The following HEXA variants were observed in gnomAD, a reference collection of about 807,000 sequenced individuals.
HEXA encodes the protein hexosaminidase subunit alpha.
In HEXA, 54 loss-of-function variants were observed where a neutral mutation model predicts 73.3. The observed-to-expected ratio is 0.74, with a 90% CI of 0.59 to 0.92. HEXA has a LOEUF of 0.92. Among genes scored for constraint, HEXA ranks in the 40% least tolerant of loss-of-function variants. The pLI is 0.00. For synonymous variants in HEXA, 230 were observed against 246.9 expected (o/e 0.93, Z 0.64); for missense variants, 649 against 653.0 (o/e 0.99, Z 0.07).
chr15:72,362,136 A>T (rs2088859382), intron 1 of HEXA, among the ~76,000 whole-genome samples: 1 of 152,200 alleles, frequency 6.6e-6, no homozygotes, highest in African/African-American at 2.4e-5. Flanking sequence ...AACCCTGAAA[A>T]TGCCATATTT....
At position 72,346,338 on chromosome 15, in the gene HEXA, A is replaced by G. The variant is rs1366792630; in HGVS notation, c.1331-13T>C. On this transcript the variant is annotated splice_polypyrimidine_tract_variant and intron_variant, in intron 11 of 13. Transcript: ENST00000268097. ...TGCTCAGGGGTACCTGAGGGAAAAC[A>G]AGCAACAACAGTCTGGTGATGGTGG... The G allele has an allele frequency of 1.7e-5, 27 of 1,607,648 alleles. No individual in the cohort carries two copies. The highest frequency in any genetic ancestry group is 2.3e-5 in the Non-Finnish European group (27 of 1,174,426).
At chr15:72,348,704 C>T (rs768863637) in intron 8 of HEXA, among the ~76,000 whole-genome samples, 7 of 152,234 alleles carry the variant, frequency 4.6e-5, no homozygotes, top group Non-Finnish European at 1.0e-4. Context: ...CAACTGAATA[C>T]TAATTAGACA....
intron 8 of HEXA, 49 bp from the exon 9 acceptor site, chr15:72,348,183 C>T: frequency 9.0e-6 from 12 of 1,329,538 alleles, no homozygotes; most frequent in Non-Finnish European, 1.1e-5. Flanking sequence ...TCCTGAAAGC[C>T]TAATGCCTGG....
chr15:72,349,084 G>A lies in HEXA; in HGVS notation c.981C>T (p.Thr327=), dbSNP rs1271376611. The part of the protein sequence containing the change: ...LHLGGDEVDF[T]CWKSNPEIQD... The stretch of plus-strand genomic sequence containing the variant: ...GAAGATCAAAGGGCTCATACCAGCA[G>A]GTGAAATCAACCTCATCTCCTCCAA... Residue 327 remains threonine, a synonymous_variant, in exon 8 of 14, where the codon ACC becomes ACT. Transcript: ENST00000268097. The A allele has an allele frequency of 8.1e-6, 13 of 1,613,266 alleles. No individual in the cohort carries two copies. The highest frequency in any genetic ancestry group is 1.0e-5 in the Non-Finnish European group (12 of 1,179,404).
rs2088615642 is a variant in HEXA, at chr15:72,346,492, T to A, written c.1330+35A>T. On this transcript the variant is annotated intron_variant, in intron 11 of 13. Coordinates refer to ENST00000268097, the MANE Select transcript of HEXA (RefSeq NM_000520.6). ...TCCCATCCTGTGCCCCAACCCAGCC[T>A]CCTTTGGTTAGCAAGGAGAGCTCTC... is the stretch of plus-strand genomic sequence containing the variant. The A allele has an allele frequency of 2.6e-5, 41 of 1,606,432 alleles. No homozygotes were observed. In the East Asian group the frequency reaches 9.1e-4, roughly 36 times the overall value.
chr15:72,361,411 C>T (rs1278598475), intron 1 of HEXA, among the ~76,000 whole-genome samples: 3 of 152,136 alleles, frequency 2.0e-5, no homozygotes, highest in Non-Finnish European at 4.4e-5. Flanking sequence ...TTTTTCCCTT[C>T]GCTTACACTC....
In HEXA at chr15:72,346,625, C is replaced by A; in HGVS notation, c.1232G>T (p.Gly411Val). Residue 411 changes from glycine (G) to valine (V), a missense_variant, in exon 11 of 14, where the codon GGC becomes GTC. By Grantham distance (109) the Gly-to-Val change is moderately radical. Transcript: ENST00000268097. ...MKELELVTKAGFRALLSAPWY... is the reference protein window; with the variant it reads ...MKELELVTKAVFRALLSAPWY... ...GGGGGCAGAGAGAAGGGCCCGGAAG[C>A]CGGCCTTGGTGACCAGTTCCAGCTC... is the stretch of plus-strand genomic sequence containing the variant. The A allele has an allele frequency of 6.2e-7, 1 of 1,614,074 alleles. No individual in the cohort carries two copies. Among genetic ancestry groups the A allele is most frequent in the Non-Finnish European group, 8.5e-7 (1 of 1,179,996 alleles).
At chr15:72,367,106 G>A (rs1277677893) in intron 1 of HEXA, among the ~76,000 whole-genome samples, 1 of 151,990 alleles carries the variant, frequency 6.6e-6, no homozygotes, top group Non-Finnish European at 1.5e-5. Context: ...ACTATGCCCA[G>A]CTAATTTTGT....
chr15:72,370,618 G>C (rs1198395844), intron 1 of HEXA: 1 of 396,540 alleles, frequency 2.5e-6, no homozygotes. Flanking sequence ...GACTGCTTGA[G>C]TCCTGGAGTT....
chr15:72,356,352 G>A (rs1302391014), intron 2 of HEXA, among the ~76,000 whole-genome samples, 173 bp downstream of exon 2: 4 of 152,188 alleles, frequency 2.6e-5, no homozygotes, highest in African/African-American at 9.6e-5. Context: ...CACTGGTTAA[G>A]TTTCTGCATA....
chr15:72,375,022 ACTTC>A (rs1018655921), intron 1 of HEXA, among the ~76,000 whole-genome samples: 2 of 148,204 alleles, frequency 1.3e-5, no homozygotes, highest in Non-Finnish European at 1.5e-5. Flanking sequence ...CTGGAAACTC[ACTTC>A]CTTATGTTCT....
rs867517363 is a variant in HEXA, at chr15:72,350,498, G to A, written c.805+20C>T. 6.2e-7 allele frequency: 1 copy of A among 1,613,274 alleles called. No homozygotes were observed. Among genetic ancestry groups the A allele is most frequent in the Non-Finnish European group, 8.5e-7 (1 of 1,179,722 alleles). On this transcript the variant is annotated intron_variant, in intron 7 of 13. Transcript: ENST00000268097. ...GAGCATAACAAGCAGAGTCCCTCTG[G>A]TCCCAGACATCATTCTTACCTGGTC...
At chr15:72,370,697 T>TAAAAAAAAAAAGA (rs1555474901) in intron 1 of HEXA, 216 of 337,718 alleles carry the variant, frequency 6.4e-4, no homozygotes, top group East Asian at 1.7e-3. Context: ...ACCTGTTTCT[T>TAAAAAAAAAAAGA]AAAAAAAAAA....
chr15:72,355,847 C>T (rs955343794), intron 2 of HEXA: 6 of 599,744 alleles, frequency 1.0e-5, no homozygotes, highest in Non-Finnish European at 1.9e-5. Context: ...CTCTGTAGAC[C>T]CTGGATGATG....
chr15:72,362,443 C>G (rs2088863304), intron 1 of HEXA: 1 of 455,802 alleles, frequency 2.2e-6, no homozygotes, highest in East Asian at 6.9e-5. Context: ...GCCTGACACA[C>G]AGCAGTCATT....
chr15:72,366,740 A>G lies in HEXA; in HGVS notation c.253+8980T>C, dbSNP rs77782570. Among the ~76,000 whole-genome samples, 1,083 of 152,194 alleles carry G rather than the reference A, an allele frequency of 7.1e-3. 14 individuals are homozygous for G. The highest frequency in any genetic ancestry group is 0.024 in the African/African-American group (1,014 of 41,522). On this transcript the variant is annotated intron_variant, in intron 1 of 13. Coordinates refer to ENST00000268097, the MANE Select transcript of HEXA (RefSeq NM_000520.6). ...TGTTCTGGCTTAGCAGTCATCCAAC[A>G]ACATCCTCCTCCTCCTCCTCAACCA...
intron 8 of HEXA, 109 bp downstream of exon 8, chr15:72,348,970 A>G (rs990744153): frequency 2.2e-6 from 2 of 895,750 alleles, no homozygotes; most frequent in African/African-American, 3.3e-5. Context: ...ATGTGAGCCC[A>G]TACAGACCCC....
intron 6 of HEXA, 71 bp from the exon 7 acceptor site, chr15:72,350,721 C>T (rs1390526959): frequency 1.3e-6 from 2 of 1,569,074 alleles, no homozygotes; most frequent in East Asian, 4.5e-5. Flanking sequence ...ACTCAAAATG[C>T]CCACAAGACT....
intron 13 of HEXA, 90 bp from the exon 14 acceptor site, chr15:72,344,230 C>T: frequency 1.1e-6 from 1 of 878,316 alleles, no homozygotes; most frequent in East Asian, 2.6e-5. Flanking sequence ...CTCTCCTTCC[C>T]CATTTCGGTG....
Sources: allele counts gnomAD v4.1 joint callset (sites outside exome capture counted in the v4.1 genomes callset), GRCh38; gene constraint gnomAD v4.1.1; transcripts MANE v1.5; gene names NCBI Gene and HGNC (gene_info 2026-07-23, HGNC 2026-07-21).